Variants in AIG1 observed in about 807,000 individuals in gnomAD.
AIG1 encodes androgen induced 1.
Under a neutral mutation model 31.4 loss-of-function variants are expected in AIG1, and 23 were observed. The observed-to-expected ratio is 0.73, with a 90% CI of 0.53 to 1.04. The LOEUF is 1.04. AIG1 is among the 50% of genes least tolerant of loss of function. AIG1 has a pLI of 0.00. For synonymous variants in AIG1, 100 were observed against 110.5 expected, an observed-to-expected ratio of 0.90 and a Z score of 0.60; for missense variants, 274 against 295.0, an observed-to-expected ratio of 0.93 and a Z score of 0.52.
rs1478357805 is a variant in AIG1, at chr6:143,328,254, G to A, written c.516-5028G>A. Among the ~76,000 whole-genome samples the A allele has an allele frequency of 6.6e-6, 1 of 152,206 alleles. No homozygotes were observed. Among genetic ancestry groups the A allele is most frequent in the Non-Finnish European group, 1.5e-5 (1 of 68,042 alleles). ...AGTGAGTACAATGTACAGATATGGT[G>A]TCAGTGAATCTGGACCACTTATTGG... On this transcript the variant is annotated intron_variant, in intron 4 of 5. Coordinates refer to ENST00000357847, the MANE Select transcript of AIG1 (RefSeq NM_016108.4). This position sits in a 1 kb window ranked among gnomAD's most constrained non-coding sequence, Gnocchi z 4.0.
chr6:143,280,836 A>G lies in AIG1; in HGVS notation c.400-3274A>G, dbSNP rs1042803111. Among the ~76,000 whole-genome samples the G allele has an allele frequency of 1.3e-5, 2 of 152,206 alleles. No individual in the cohort carries two copies. The highest frequency in any genetic ancestry group is 2.9e-5 in the Non-Finnish European group (2 of 68,018). ...GAAACCCCATGACGTGTGTTTACCTATGTAACAAACCTTCACGTGTATCCC... is the reference window on the plus strand; with the variant it reads ...GAAACCCCATGACGTGTGTTTACCTGTGTAACAAACCTTCACGTGTATCCC... On this transcript the variant is annotated intron_variant, in intron 3 of 5. Transcript: ENST00000357847. The surrounding 1 kb of genome is among the most constrained non-coding windows in gnomAD (Gnocchi z 4.1).
chr6:143,197,142 C>A (rs1018520525), intron 3 of AIG1, among the ~76,000 whole-genome samples: 5 of 150,778 alleles, frequency 3.3e-5, no homozygotes, highest in African/African-American at 1.2e-4. Context: ...CTTGAGAATC[C>A]CTTGAAAGTT....
chr6:143,173,637 G>T (rs943207816), intron 3 of AIG1, among the ~76,000 whole-genome samples: 5 of 152,088 alleles, frequency 3.3e-5, no homozygotes, highest in African/African-American at 4.8e-5. Flanking sequence ...TGATTTCATT[G>T]TTGAGCCAAT....
intron 3 of AIG1, among the ~76,000 whole-genome samples, chr6:143,171,014 A>G (rs1048119257): frequency 3.3e-4 from 50 of 152,056 alleles, no homozygotes; most frequent in Non-Finnish European, 1.8e-4. Flanking sequence ...TGAATAAGAG[A>G]TGGGAAAAGG....
intron 3 of AIG1, among the ~76,000 whole-genome samples, chr6:143,206,140 C>T (rs752530475): frequency 2.0e-5 from 3 of 152,200 alleles, no homozygotes; most frequent in Non-Finnish European, 2.9e-5. Flanking sequence ...CGAAGGCTGA[C>T]ACAACCACAT....
chr6:143,098,823 A>AT (rs1016829049), intron 1 of AIG1, among the ~76,000 whole-genome samples: 7 of 151,990 alleles, frequency 4.6e-5, no homozygotes, highest in African/African-American at 7.2e-5. Context: ...TCTTCTGTGC[A>AT]TTTTTTTCCC....
intron 3 of AIG1, among the ~76,000 whole-genome samples, chr6:143,276,014 A>G (rs1174526146): frequency 6.6e-6 from 1 of 152,142 alleles, no homozygotes; most frequent in African/African-American, 2.4e-5. Context: ...GAAAATACAC[A>G]CCGCACTGCA....
rs1481681410 is a variant in AIG1, at chr6:143,325,922, A to G, written c.516-7360A>G. Among the ~76,000 whole-genome samples, 1 of 152,178 alleles carries G rather than the reference A, an allele frequency of 6.6e-6. No individual in the cohort carries two copies. The highest frequency in any genetic ancestry group is 1.9e-4 in the East Asian group (1 of 5,192). ...AACATTTGCCCATATCCTTGGTGTG[A>G]CTATTCCCACCATGGCTGAATTCAA... On this transcript the variant is annotated intron_variant, in intron 4 of 5. Transcript: ENST00000357847. This position sits in a 1 kb window ranked among gnomAD's most constrained non-coding sequence, Gnocchi z 4.3.
Position 143,340,900 on chromosome 6 carries a change from A to G in AIG1, c.*1224A>G, listed in dbSNP as rs1368396764. 1.3e-5 allele frequency among the ~76,000 whole-genome samples: 2 copies of G among 152,172 alleles called. No homozygotes were observed. Among genetic ancestry groups the G allele is most frequent in the African/African-American group, 4.8e-5 (2 of 41,464 alleles). ...GATTGCCCAATGTTGAGAGAGATCA[A>G]CAAATGATATAAAACCATTCACTCC... On this transcript the variant is annotated 3_prime_UTR_variant, in exon 6 of 6. Coordinates refer to ENST00000357847, the MANE Select transcript of AIG1 (RefSeq NM_016108.4).
intron 3 of AIG1, among the ~76,000 whole-genome samples, chr6:143,245,905 G>A (rs1794586337): frequency 6.6e-6 from 1 of 152,146 alleles, no homozygotes. Flanking sequence ...AAAGATCGGG[G>A]TTTAGGGCAC....
At chr6:143,086,603 C>A (rs1033401667) in intron 1 of AIG1, among the ~76,000 whole-genome samples, 1 of 152,146 alleles carries the variant, frequency 6.6e-6, no homozygotes, top group East Asian at 1.9e-4. Flanking sequence ...ACAAGACACC[C>A]TGGGTTCATA....
At chr6:143,189,027 C>T (rs1264414030) in intron 3 of AIG1, 1 of 982,856 alleles carries the variant, frequency 1.0e-6, no homozygotes, top group African/African-American at 1.8e-5. Context: ...CACAACTGTT[C>T]ACATTTTTAA....
At chr6:143,173,527 A>T (rs1445952294) in intron 3 of AIG1, among the ~76,000 whole-genome samples, 6 of 152,224 alleles carry the variant, frequency 3.9e-5, no homozygotes, top group African/African-American at 1.4e-4. Context: ...ATTTAATGCT[A>T]TGAACTTTCC....
At chr6:143,187,823 C>A (rs547022118) in intron 3 of AIG1, 3 of 1,472,406 alleles carry the variant, frequency 2.0e-6, no homozygotes, top group South Asian at 1.4e-5. Context: ...GAAATACGGG[C>A]CTTCAAGAAG....
chr6:143,065,608 AGTAGTATTTGGG>A (rs1184075921), intron 1 of AIG1, among the ~76,000 whole-genome samples: 1 of 152,230 alleles, frequency 6.6e-6, no homozygotes, highest in African/African-American at 2.4e-5. Flanking sequence ...GAGGTCTTAA[AGTAGTATTTGGG>A]GTATAATAGG....
At chr6:143,154,807 G>A (rs1785576869) in intron 2 of AIG1, among the ~76,000 whole-genome samples, 1 of 152,168 alleles carries the variant, frequency 6.6e-6, no homozygotes, top group Admixed American at 6.5e-5. Context: ...ATGAGTCTTA[G>A]ATTATTTCAA....
chr6:143,204,705 G>C (rs149870815), intron 3 of AIG1, among the ~76,000 whole-genome samples: 4 of 152,202 alleles, frequency 2.6e-5, no homozygotes, highest in Non-Finnish European at 5.9e-5. Context: ...GATAGAACGA[G>C]GTCCTGAACA....
intron 2 of AIG1, among the ~76,000 whole-genome samples, chr6:143,143,868 A>T (rs879639697): frequency 6.6e-6 from 1 of 152,116 alleles, no homozygotes; most frequent in Non-Finnish European, 1.5e-5. Context: ...AAAATGAGCC[A>T]TGTTTTCCCA....
At chr6:143,296,502 C>T (rs1042628622) in intron 4 of AIG1, among the ~76,000 whole-genome samples, 7 of 152,134 alleles carry the variant, frequency 4.6e-5, no homozygotes, top group Admixed American at 2.6e-4. Flanking sequence ...TCACAGGGAC[C>T]CCTATCCTGC....
Sources: allele counts gnomAD v4.1 joint callset (sites outside exome capture counted in the v4.1 genomes callset), GRCh38; gene constraint gnomAD v4.1.1; non-coding constraint Gnocchi (gnomAD v3.1); transcripts MANE v1.5; gene names NCBI Gene and HGNC (gene_info 2026-07-23, HGNC 2026-07-21).